CSMD1: variants seen among roughly 807,000 people sequenced by gnomAD.
CSMD1 encodes the protein CUB and sushi domain-containing protein 1.
A neutral mutation model predicts 417.5 loss-of-function variants in CSMD1; 213 were observed. That is an observed-to-expected ratio of 0.51 (90% confidence interval 0.46 to 0.57). The LOEUF is 0.57. Among genes scored for constraint, CSMD1 ranks in the 20% least tolerant of loss-of-function variants. The probability of loss-of-function intolerance (pLI) is 0.00; values close to 1 mark genes in which losing one functional copy is unlikely to be tolerated. For synonymous variants in CSMD1, 2,862 were observed against 1,736.8 expected, an observed-to-expected ratio of 1.65 and a Z score of -16.11; for missense variants, 6,923 against 4,529.7, an observed-to-expected ratio of 1.53 and a Z score of -15.17.
chr8:3,769,652 T>C (rs1023482730), intron 5 of CSMD1, among the ~76,000 whole-genome samples: 1 of 152,172 alleles, frequency 6.6e-6, no homozygotes, highest in Non-Finnish European at 1.5e-5. Flanking sequence ...TAAGAGAATG[T>C]TATAGCTCTT....
At chr8:4,258,929 C>T (rs1051602777) in intron 3 of CSMD1, among the ~76,000 whole-genome samples, 1 of 152,152 alleles carries the variant, frequency 6.6e-6, no homozygotes, top group Non-Finnish European at 1.5e-5. Context: ...ATGTTATAGA[C>T]AAACTTATTT....
intron 12 of CSMD1, among the ~76,000 whole-genome samples, chr8:3,459,159 G>A (rs777542759): frequency 8.5e-5 from 13 of 152,228 alleles, no homozygotes; most frequent in Non-Finnish European, 1.5e-4. Flanking sequence ...GAGAGGACAC[G>A]TGATCTGGAA....
At chr8:4,266,108 G>T (rs1243510753) in intron 3 of CSMD1, among the ~76,000 whole-genome samples, 1 of 102,988 alleles carries the variant, frequency 9.7e-6, no homozygotes, top group Admixed American at 9.4e-5. Flanking sequence ...AGCTGATATT[G>T]ATCATTTGGA....
At chr8:4,346,330 T>C (rs909384821) in intron 3 of CSMD1, among the ~76,000 whole-genome samples, 1 of 152,208 alleles carries the variant, frequency 6.6e-6, no homozygotes, top group East Asian at 1.9e-4. Context: ...CCAGTTTTAC[T>C]GGAAAGCAGC....
At chr8:4,385,663 C>T (rs1384112699) in intron 3 of CSMD1, among the ~76,000 whole-genome samples, 1 of 152,114 alleles carries the variant, frequency 6.6e-6, no homozygotes, top group Middle Eastern at 3.2e-3. Flanking sequence ...ATCCTGTAGG[C>T]ATTATCCAAA....
In CSMD1 at chr8:4,938,946, G is replaced by A. The variant is rs117607605; in HGVS notation, c.85+55386C>T. ...GTTAAACTTTTGTGTGTCTTCTTTG[G>A]AGAAATGTTATTCTAGTCCTTTGTC... is the stretch of plus-strand genomic sequence containing the variant. On this transcript the variant is annotated intron_variant, in intron 1 of 69. Coordinates refer to ENST00000635120, the MANE Select transcript of CSMD1 (RefSeq NM_033225.6). Among the ~76,000 whole-genome samples the A allele has an allele frequency of 5.6e-4, 79 of 142,270 alleles. 1 individual carries two copies. In the East Asian group the frequency reaches 0.017, roughly 30 times the overall value. The allele number at this position is 142,270 out of a possible 152,430, so 93.3% of individuals were successfully genotyped here.
At chr8:4,788,637 T>C (rs1260850774) in intron 1 of CSMD1, 1 of 758,996 alleles carries the variant, frequency 1.3e-6, no homozygotes, top group Non-Finnish European at 2.1e-6. Context: ...ATTTCTAATT[T>C]AGCTGAAGGA....
intron 3 of CSMD1, among the ~76,000 whole-genome samples, chr8:4,189,545 A>G (rs910486142): frequency 2.0e-4 from 30 of 152,214 alleles, no homozygotes; most frequent in African/African-American, 6.8e-4. Context: ...TATGGTTACC[A>G]TCAATTATCC....
chr8:4,047,813 C>A (rs1018531796), intron 3 of CSMD1, among the ~76,000 whole-genome samples: 1 of 151,754 alleles, frequency 6.6e-6, no homozygotes, highest in African/African-American at 2.4e-5. Context: ...TCAGGAAACA[C>A]CTCAATAAGA....
At chr8:3,459,083 G>A (rs556756395) in intron 12 of CSMD1, among the ~76,000 whole-genome samples, 1 of 152,362 alleles carries the variant, frequency 6.6e-6, no homozygotes, top group African/African-American at 2.4e-5. Flanking sequence ...GGGGGAGAAC[G>A]ATGGATGGGC....
chr8:4,041,051 C>G (rs1247084674), intron 3 of CSMD1, among the ~76,000 whole-genome samples: 1 of 126,760 alleles, frequency 7.9e-6, no homozygotes, highest in Non-Finnish European at 1.6e-5. Context: ...GAGTCTCGCT[C>G]TGTCGCCCAG....
intron 5 of CSMD1, among the ~76,000 whole-genome samples, chr8:3,970,061 G>A (rs1174233583): frequency 1.3e-5 from 2 of 152,180 alleles, no homozygotes; most frequent in African/African-American, 4.8e-5. Context: ...AAACTACTAA[G>A]TAGTCTATGT....
chr8:3,769,966 G>A (rs1010912489), intron 5 of CSMD1, among the ~76,000 whole-genome samples: 1 of 152,342 alleles, frequency 6.6e-6, no homozygotes, highest in Non-Finnish European at 1.5e-5. Context: ...GCCTTTGAAA[G>A]GCACTCTGTG....
intron 2 of CSMD1, among the ~76,000 whole-genome samples, chr8:4,458,273 A>T (rs1052941952): frequency 6.6e-6 from 1 of 152,172 alleles, no homozygotes; most frequent in African/African-American, 2.4e-5. Flanking sequence ...AAAAAATGAC[A>T]CTCAATGAGA....
At chr8:3,558,514 CCA>C in intron 10 of CSMD1, among the ~76,000 whole-genome samples, 2 of 149,738 alleles carry the variant, frequency 1.3e-5, no homozygotes, top group African/African-American at 5.0e-5. Flanking sequence ...CAATGGTACC[CCA>C]TGTCGACTCC....
intron 8 of CSMD1, among the ~76,000 whole-genome samples, chr8:3,613,968 T>G (rs544890146): frequency 6.6e-6 from 1 of 151,902 alleles, no homozygotes; most frequent in East Asian, 1.9e-4. Context: ...AAGCAAAAAT[T>G]AAAAATCCTT....
At chr8:4,593,255 C>A (rs549475190) in intron 2 of CSMD1, among the ~76,000 whole-genome samples, 9 of 152,222 alleles carry the variant, frequency 5.9e-5, no homozygotes, top group Non-Finnish European at 1.3e-4. Flanking sequence ...TCCGCAGGAA[C>A]ATGAGCGTTA....
chr8:4,349,066 C>A (rs1483394354), intron 3 of CSMD1, among the ~76,000 whole-genome samples: 1 of 152,212 alleles, frequency 6.6e-6, no homozygotes, highest in African/African-American at 2.4e-5. Context: ...AAATTATTAA[C>A]ATGACTCATG....
chr8:3,328,742 G>A (rs994964654), intron 23 of CSMD1, among the ~76,000 whole-genome samples: 1 of 152,132 alleles, frequency 6.6e-6, no homozygotes, highest in Non-Finnish European at 1.5e-5. Context: ...AAAAAACAAA[G>A]AGAAAAATCT....
Sources: allele counts gnomAD v4.1 joint callset (sites outside exome capture counted in the v4.1 genomes callset), GRCh38; gene constraint gnomAD v4.1.1; transcripts MANE v1.5; gene names NCBI Gene and HGNC (gene_info 2026-07-23, HGNC 2026-07-21).